STAT5B: variants seen among roughly 807,000 people sequenced by gnomAD.
STAT5B encodes the protein signal transducer and activator of transcription 5B, also known as transcription factor STAT5B.
A neutral mutation model predicts 107.8 loss-of-function variants in STAT5B; 21 were observed. The observed-to-expected ratio is 0.19, with a 90% CI of 0.14 to 0.28. The LOEUF (loss-of-function observed/expected upper bound fraction) is 0.28, where lower values mean the gene tolerates loss of function less well. STAT5B is among the 10% of genes least tolerant of loss of function. The probability of loss-of-function intolerance (pLI) is 1.00; values close to 1 mark genes in which losing one functional copy is unlikely to be tolerated. For missense variants in STAT5B, 565 were observed against 1,008.2 expected (o/e 0.56, Z 5.95); for synonymous variants, 325 against 401.7 (o/e 0.81, Z 2.28).
upstream of STAT5B, among the ~76,000 whole-genome samples, chr17:42,277,013 G>C (rs1598347755): frequency 6.6e-6 from 1 of 152,228 alleles, no homozygotes; most frequent in Admixed American, 6.5e-5. Context: ...GGGGCGCCTG[G>C]GGCCGGTTCC....
Position 42,223,497 on chromosome 17 carries a change from G to C in STAT5B, c.435C>G (p.Asn145Lys), listed in dbSNP as rs778582220. 19 of 1,614,014 alleles carry C rather than the reference G, an allele frequency of 1.2e-5. No individual in the cohort carries two copies. The highest frequency in any genetic ancestry group is 3.3e-4 in the Middle Eastern group (2 of 6,084). ...CCAGTCGCAGCTCCTCAAACGTCTGGTTGATCTGGAGGTGTTTCTGGGACA... is the reference window on the plus strand; with the variant it reads ...CCAGTCGCAGCTCCTCAAACGTCTGCTTGATCTGGAGGTGTTTCTGGGACA... ...DAMSQKHLQI[N>K]QTFEELRLVT... is the part of the protein sequence containing the mutation. Residue 145 changes from asparagine (N) to lysine (K), a missense_variant, in exon 5 of 19, where the codon AAC becomes AAG. By Grantham distance (94) the Asn-to-Lys change is moderately conservative. Coordinates refer to ENST00000293328, the MANE Select transcript of STAT5B (RefSeq NM_012448.4).
the STAT5B span, among the ~76,000 whole-genome samples, chr17:42,285,749 C>T: frequency 6.6e-6 from 1 of 152,230 alleles, no homozygotes; most frequent in Non-Finnish European, 1.5e-5. Context: ...CTCTGACACC[C>T]TTCCCTCTAC....
chr17:42,254,573 T>G (rs1157211226), intron 1 of STAT5B, among the ~76,000 whole-genome samples: 5 of 152,094 alleles, frequency 3.3e-5, no homozygotes, highest in Admixed American at 2.0e-4. Flanking sequence ...TCTCTTACTC[T>G]CTTTTTCTCT....
intron 1 of STAT5B, among the ~76,000 whole-genome samples, chr17:42,241,467 GAGTCTTGCTC>G (rs2080402182): frequency 6.8e-6 from 1 of 148,100 alleles, no homozygotes; most frequent in African/African-American, 2.5e-5. Flanking sequence ...TTTTGAGACA[GAGTCTTGCTC>G]TGTCACCCAG....
chr17:42,250,823 C>T (rs1170562255), intron 1 of STAT5B, among the ~76,000 whole-genome samples: 2 of 151,154 alleles, frequency 1.3e-5, no homozygotes, highest in Non-Finnish European at 1.5e-5. Context: ...ACTCGGGAGG[C>T]TGAGGCAGGA....
intron 5 of STAT5B, 112 bp downstream of exon 5, chr17:42,223,270 A>T: frequency 6.6e-7 from 1 of 1,507,960 alleles, no homozygotes; most frequent in Admixed American, 1.8e-5. Context: ...TACTCAGAGA[A>T]AGGTCGCTGC....
chr17:42,271,707 A>G (rs1457987818), intron 1 of STAT5B: 1 of 152,236 alleles, frequency 6.6e-6, no homozygotes. Flanking sequence ...CAATCAATCA[A>G]TACAGGTATT....
At chr17:42,218,039 A>T in intron 9 of STAT5B, 112 bp downstream of exon 9, 1 of 1,525,858 alleles carries the variant, frequency 6.6e-7, no homozygotes, top group Non-Finnish European at 8.9e-7. Flanking sequence ...GCTGATGCCC[A>T]GAAGAGGCCA....
intron 1 of STAT5B, among the ~76,000 whole-genome samples, chr17:42,245,859 C>T (rs545072239): frequency 5.9e-5 from 9 of 152,154 alleles, no homozygotes; most frequent in African/African-American, 1.9e-4. Context: ...TGGGGTTTCA[C>T]CATGTTGGCC....
At chr17:42,252,048 T>TTAC (rs1249134578) in intron 1 of STAT5B, among the ~76,000 whole-genome samples, 1 of 151,730 alleles carries the variant, frequency 6.6e-6, no homozygotes, top group Non-Finnish European at 1.5e-5. Context: ...AATAACTATG[T>TTAC]TACTGTTGAT....
chr17:42,231,863 T>A (rs2080320078), intron 2 of STAT5B, 137 bp downstream of exon 2: 1 of 1,347,696 alleles, frequency 7.4e-7, no homozygotes, highest in Non-Finnish European at 1.0e-6. Context: ...AAAAAAATTT[T>A]AAATACCTTT....
chr17:42,255,434 A>G (rs1406556587), intron 1 of STAT5B, among the ~76,000 whole-genome samples: 1 of 152,232 alleles, frequency 6.6e-6, no homozygotes, highest in African/African-American at 2.4e-5. Context: ...TTGCATACTC[A>G]TTGCACATGC....
At chr17:42,230,507 G>A (rs561001892) in intron 2 of STAT5B, among the ~76,000 whole-genome samples, 28 of 152,154 alleles carry the variant, frequency 1.8e-4, no homozygotes, top group Admixed American at 5.2e-4. Flanking sequence ...GCTGTTAGTC[G>A]ACTGCACTGT....
At chr17:42,209,940 T>C (rs943500812) in intron 15 of STAT5B, among the ~76,000 whole-genome samples, 1 of 152,244 alleles carries the variant, frequency 6.6e-6, no homozygotes, top group African/African-American at 2.4e-5. Flanking sequence ...TAAATGTTCA[T>C]GTGTAACCAT....
intron 12 of STAT5B, among the ~76,000 whole-genome samples, chr17:42,212,940 T>C (rs2080141420): frequency 6.6e-6 from 1 of 152,254 alleles, no homozygotes; most frequent in Non-Finnish European, 1.5e-5. Context: ...CCACCAAAGA[T>C]ATTCTATGCA....
chr17:42,202,164 C>T (rs1458961280), intron 18 of STAT5B, 176 bp downstream of exon 18: 3 of 752,824 alleles, frequency 4.0e-6, no homozygotes, highest in Non-Finnish European at 6.6e-6. Flanking sequence ...CGACTCTAAA[C>T]CACCAATCAC....
At chr17:42,262,968 GTGTATATATA>G (rs1346662429) in intron 1 of STAT5B, among the ~76,000 whole-genome samples, 53 of 32,680 alleles carry the variant, frequency 1.6e-3, no homozygotes, top group African/African-American at 4.6e-3. Context: ...GTGTGTGTGT[GTGTATATATA>G]TATATATATA....
At chr17:42,205,037 C>T (rs1179090896) in intron 16 of STAT5B, among the ~76,000 whole-genome samples, 1 of 151,920 alleles carries the variant, frequency 6.6e-6, no homozygotes, top group Non-Finnish European at 1.5e-5. Context: ...GGATATATTT[C>T]TTTTTTTTGA....
At chr17:42,240,404 C>T (rs1473472565) in intron 1 of STAT5B, among the ~76,000 whole-genome samples, 1 of 152,162 alleles carries the variant, frequency 6.6e-6, no homozygotes, top group Admixed American at 6.6e-5. Context: ...AGGGAACATA[C>T]TGTAAATTCC....
Sources: allele counts gnomAD v4.1 joint callset (sites outside exome capture counted in the v4.1 genomes callset), GRCh38; gene constraint gnomAD v4.1.1; transcripts MANE v1.5; gene names NCBI Gene and HGNC (gene_info 2026-07-23, HGNC 2026-07-21).